PMS1: variants seen among roughly 807,000 people sequenced by gnomAD.
The protein encoded by PMS1 is PMS1 protein homolog 1.
A neutral mutation model predicts 93.1 loss-of-function variants in PMS1; 79 were observed. The observed-to-expected ratio is 0.85, with a 90% CI of 0.71 to 1.02. PMS1 has a LOEUF of 1.02. PMS1 is among the 50% of genes least tolerant of loss of function. The pLI is 0.00. For missense variants in PMS1, 1,064 were observed against 1,085.3 expected (o/e 0.98, Z 0.28); for synonymous variants, 335 against 363.4 (o/e 0.92, Z 0.89).
intron 1 of PMS1, among the ~76,000 whole-genome samples, chr2:189,788,473 G>A (rs1014965402): frequency 6.6e-6 from 1 of 152,128 alleles, no homozygotes; most frequent in Non-Finnish European, 1.5e-5. Flanking sequence ...ATTTTAGAGA[G>A]TTTAATTTCC....
At chr2:189,785,107 G>GA (rs1364768616) in intron 1 of PMS1, among the ~76,000 whole-genome samples, 3 of 152,200 alleles carry the variant, frequency 2.0e-5, no homozygotes, top group Non-Finnish European at 4.4e-5. Flanking sequence ...AATCGCCTTT[G>GA]AAATGTAATT....
At position 189,812,235 on chromosome 2, in the gene PMS1, A is replaced by G. The variant is rs886697157; in HGVS notation, c.419-5782A>G. On this transcript the variant is annotated intron_variant, in intron 4 of 12. Transcript: ENST00000441310. The stretch of plus-strand genomic sequence containing the variant: ...AGAATTGCTTGAACCCAGGAGGCGG[A>G]GGTTGCAGTTAGCCGAGATCACGCC... Among the ~76,000 whole-genome samples the G allele has an allele frequency of 5.3e-5, 8 of 152,324 alleles. No individual in the cohort carries two copies. The South Asian group carries it at 1.7e-3, about 32-fold the overall frequency.
At chr2:189,798,756 G>GTTTTTTTTTTTTTTTTT in intron 3 of PMS1, among the ~76,000 whole-genome samples, 1 of 125,236 alleles carries the variant, frequency 8.0e-6, no homozygotes, top group Admixed American at 7.8e-5. Flanking sequence ...ATAAGTATTT[G>GTTTTTTTTTTTTTTTTT]ATTTTTTTTT....
At chr2:189,791,009 T>G (rs1470886809) in intron 1 of PMS1, among the ~76,000 whole-genome samples, 1 of 152,030 alleles carries the variant, frequency 6.6e-6, no homozygotes, top group Admixed American at 6.6e-5. Flanking sequence ...AGAATATAAT[T>G]AGTCACACAA....
intron 5 of PMS1, among the ~76,000 whole-genome samples, chr2:189,843,353 G>GA (rs561877906): frequency 9.9e-4 from 150 of 152,216 alleles, no homozygotes; most frequent in Middle Eastern, 3.4e-3. Flanking sequence ...TACTCGCAGT[G>GA]AAAAAATCCA....
chr2:189,867,174 A>G (rs992738109), intron 10 of PMS1, among the ~76,000 whole-genome samples: 3 of 152,130 alleles, frequency 2.0e-5, no homozygotes, highest in African/African-American at 7.2e-5. Flanking sequence ...CCCGACAGAC[A>G]CCTTTTTGCA....
At position 189,791,826 on chromosome 2, in the gene PMS1, C is replaced by T. The variant is rs747835603; in HGVS notation, c.17C>T (p.Ala6Val). MKQLP[A>V]ATVRLLSSSQ... ...AAAGCGAAAATGAAACAATTGCCTG[C>T]GGCAACAGTTCGACTCCTTTCAAGT... Residue 6 changes from alanine (A) to valine (V), a missense_variant, in exon 2 of 13, where the codon GCG becomes GTG. Coordinates refer to ENST00000441310, the MANE Select transcript of PMS1 (RefSeq NM_000534.5). The T allele has an allele frequency of 1.7e-5, 28 of 1,613,588 alleles. No homozygotes were observed. Among genetic ancestry groups the T allele is most frequent in the Non-Finnish European group, 1.9e-5 (22 of 1,179,650 alleles).
At chr2:189,848,061 T>G (rs1180351353) in intron 6 of PMS1, among the ~76,000 whole-genome samples, 1 of 152,160 alleles carries the variant, frequency 6.6e-6, no homozygotes, top group Non-Finnish European at 1.5e-5. Context: ...AAGAGTTGTT[T>G]TCTAGTTTTG....
At chr2:189,803,085 A>C (rs2050035690) in intron 3 of PMS1, among the ~76,000 whole-genome samples, 1 of 152,144 alleles carries the variant, frequency 6.6e-6, no homozygotes, top group South Asian at 2.1e-4. Context: ...CATTCAGGCA[A>C]AAGTCTGTAT....
rs565814968 is a variant in PMS1, at chr2:189,847,941, C to G, written c.699+3861C>G. ...AAAATCTTGGATGGAAGCTTGTACTCAGGTAATGCTTGGGATTTTCTTGGC... is the reference window on the plus strand; with the variant it reads ...AAAATCTTGGATGGAAGCTTGTACTGAGGTAATGCTTGGGATTTTCTTGGC... On this transcript the variant is annotated intron_variant, in intron 6 of 12. Coordinates refer to ENST00000441310, the MANE Select transcript of PMS1 (RefSeq NM_000534.5). Among the ~76,000 whole-genome samples the G allele has an allele frequency of 2.4e-4, 36 of 152,228 alleles. No individual in the cohort carries two copies. In the South Asian group the frequency reaches 6.8e-3, roughly 29 times the overall value.
rs1456588193 is a variant in PMS1 at position 189,854,520 on chromosome 2, T to C, written c.1248T>C (p.Phe416=). The change falls in exon 9 of 13, where the codon TTT becomes TTC. Residue 416 remains phenylalanine, a synonymous_variant. Coordinates refer to ENST00000441310, the MANE Select transcript of PMS1 (RefSeq NM_000534.5). Reference sequence around the variant, plus strand: ...ATCACCAGATAAGTATTGGTGACTTTGGTTATGGTCATTGTAGTAGTGAAA... The same window carrying C: ...ATCACCAGATAAGTATTGGTGACTTCGGTTATGGTCATTGTAGTAGTGAAA... ...CLNHQISIGD[F]GYGHCSSEIS... The C allele has an allele frequency of 6.2e-7, 1 of 1,613,714 alleles. No homozygotes were observed.
In PMS1 at chr2:189,844,036, A is replaced by G. The variant is rs2054034179; in HGVS notation, c.655A>G (p.Met219Val). 4 of 1,614,020 alleles carry G rather than the reference A, an allele frequency of 2.5e-6. No individual in the cohort carries two copies. The highest frequency in any genetic ancestry group is 3.4e-6 in the Non-Finnish European group (4 of 1,179,956). Reference protein sequence around the residue: ...ALMSVLGTAVMNNMESFQYHS... With the variant: ...ALMSVLGTAVVNNMESFQYHS... ...CATGTCAGTTCTGGGGACTGCTGTT[A>G]TGAACAATATGGAATCCTTTCAGTA... Residue 219 changes from methionine (M) to valine (V), a missense_variant, in exon 6 of 13, where the codon ATG becomes GTG. By Grantham distance (21) the Met-to-Val change is conservative. Coordinates refer to ENST00000441310, the MANE Select transcript of PMS1 (RefSeq NM_000534.5).
chr2:189,809,568 G>C (rs2050657078), intron 4 of PMS1, among the ~76,000 whole-genome samples: 1 of 148,430 alleles, frequency 6.7e-6, no homozygotes, highest in Non-Finnish European at 1.5e-5. Context: ...TCAATTGGCT[G>C]GGCACAGTGG....
intron 4 of PMS1, chr2:189,806,107 A>G (rs2050318875): frequency 1.3e-5 from 6 of 449,646 alleles, no homozygotes; most frequent in Middle Eastern, 6.2e-4. Flanking sequence ...TGATTTGGTA[A>G]TAGTGGAAAT....
chr2:189,855,020 A>G lies in PMS1; in HGVS notation c.1748A>G (p.Gln583Arg). 1.2e-6 allele frequency: 2 copies of G among 1,613,342 alleles called. No homozygotes were observed. The highest frequency in any genetic ancestry group is 4.5e-5 in the East Asian group (2 of 44,828). The change falls in exon 9 of 13, where the codon CAA (glutamine) becomes CGA (arginine). Residue 583 changes from glutamine (Q) to arginine (R), a missense_variant. By Grantham distance (43) the Gln-to-Arg change is conservative (BLOSUM62 1). Transcript: ENST00000441310. ...KPMSASALFV[Q>R]DHRPQFLIEN... ...ATGTCAGCAAGTGCTCTTTTTGTTC[A>G]AGATCATCGTCCTCAGTTTCTCATA...
intron 2 of PMS1, among the ~76,000 whole-genome samples, chr2:189,793,853 T>A (rs1309050331): frequency 6.6e-6 from 1 of 152,212 alleles, no homozygotes; most frequent in Non-Finnish European, 1.5e-5. Context: ...TATGCTATAA[T>A]AGCTATCCTG....
chr2:189,804,087 C>G (rs2050127988), intron 3 of PMS1, among the ~76,000 whole-genome samples: 1 of 152,114 alleles, frequency 6.6e-6, no homozygotes, highest in Non-Finnish European at 1.5e-5. Context: ...TATCATCACC[C>G]TTCCCTTAAA....
At chr2:189,848,056 T>C (rs2054396909) in intron 6 of PMS1, among the ~76,000 whole-genome samples, 1 of 152,024 alleles carries the variant, frequency 6.6e-6, no homozygotes, top group African/African-American at 2.4e-5. Flanking sequence ...CCCTGAAGAG[T>C]TGTTTTCTAG....
intron 12 of PMS1, 31 bp from the exon 13 acceptor site, chr2:189,877,241 T>C (rs371319244): frequency 1.9e-5 from 31 of 1,596,312 alleles, no homozygotes; most frequent in African/African-American, 2.7e-5. Context: ...GGGTATATCA[T>C]GGTAAAATGT....
Sources: allele counts gnomAD v4.1 joint callset (sites outside exome capture counted in the v4.1 genomes callset), GRCh38; gene constraint gnomAD v4.1.1; transcripts MANE v1.5; gene names NCBI Gene and HGNC (gene_info 2026-07-23, HGNC 2026-07-21).